Variants in DCDC1 observed in about 807,000 individuals in gnomAD.
The protein encoded by DCDC1 is doublecortin domain containing 1, also known as doublecortin domain-containing protein 1.
A neutral mutation model predicts 178.3 loss-of-function variants in DCDC1; 200 were observed. The ratio of observed to expected loss-of-function variants is 1.12; its 90% confidence interval spans 1.00 to 1.26. The LOEUF (loss-of-function observed/expected upper bound fraction) is 1.26. Ranked by LOEUF, DCDC1 falls within the 50% of genes most tolerant of loss-of-function variation. The pLI, the probability that DCDC1 is intolerant of heterozygous loss-of-function variation, is 0.00. For missense variants in DCDC1, 1,983 were observed against 1,749.2 expected (o/e 1.13, Z -2.38); for synonymous variants, 690 against 604.8 (o/e 1.14, Z -2.07).
chr11:31,057,307 AAGAG>A (rs1232865354), intron 20 of DCDC1, among the ~76,000 whole-genome samples: 4 of 151,704 alleles, frequency 2.6e-5, no homozygotes, highest in Non-Finnish European at 4.4e-5. Context: ...GAAAGAAAGA[AAGAG>A]AGAGAGAAAG....
chr11:31,111,920 T>A (rs1051008178), intron 11 of DCDC1, among the ~76,000 whole-genome samples: 1 of 152,166 alleles, frequency 6.6e-6, no homozygotes, highest in African/African-American at 2.4e-5. Flanking sequence ...AGCAGAGACG[T>A]CTTGGTCAAC....
chr11:30,958,986 A>G (rs1375926087), intron 20 of DCDC1, among the ~76,000 whole-genome samples: 1 of 152,096 alleles, frequency 6.6e-6, no homozygotes, highest in Non-Finnish European at 1.5e-5. Flanking sequence ...ATAGTCTAGT[A>G]TGGGCAAATA....
intron 8 of DCDC1, among the ~76,000 whole-genome samples, chr11:31,257,881 A>G (rs1270295853): frequency 6.6e-6 from 1 of 152,202 alleles, no homozygotes; most frequent in Non-Finnish European, 1.5e-5. Flanking sequence ...AGTGAAACCT[A>G]TTAGAAGAAT....
At chr11:31,075,933 C>T (rs1348310245) in intron 18 of DCDC1, among the ~76,000 whole-genome samples, 1 of 152,190 alleles carries the variant, frequency 6.6e-6, no homozygotes, top group Admixed American at 6.5e-5. Context: ...GATCTTGACT[C>T]ACCACAACCT....
At chr11:31,005,463 T>C (rs1951786804) in intron 20 of DCDC1, among the ~76,000 whole-genome samples, 1 of 152,224 alleles carries the variant, frequency 6.6e-6, no homozygotes, top group Non-Finnish European at 1.5e-5. Flanking sequence ...GATCCAACTT[T>C]AGTGCAGCTC....
intron 20 of DCDC1, among the ~76,000 whole-genome samples, chr11:31,027,328 T>G (rs1953307159): frequency 6.6e-6 from 1 of 151,788 alleles, no homozygotes; most frequent in Non-Finnish European, 1.5e-5. Flanking sequence ...TCATAAAAAT[T>G]CAAGTCTCCA....
At position 31,073,519 on chromosome 11, in the gene DCDC1, T is replaced by C. The variant is rs1418023353; in HGVS notation, c.2298+4346A>G. On this transcript the variant is annotated intron_variant, in intron 18 of 38. Coordinates refer to ENST00000684477, the MANE Select transcript of DCDC1 (RefSeq NM_001387274.1). Reference sequence around the variant, plus strand: ...GTCAACTGTGTTCAGGTATGTTTCATAATTATGTGCAGGCACAAGCCAAAC... The same window carrying C: ...GTCAACTGTGTTCAGGTATGTTTCACAATTATGTGCAGGCACAAGCCAAAC... Among the ~76,000 whole-genome samples, 6 of 152,240 alleles carry C rather than the reference T, an allele frequency of 3.9e-5. No homozygotes were observed. In the East Asian group the frequency reaches 1.2e-3, roughly 29 times the overall value.
At chr11:31,068,760 A>C (rs1010244080) in intron 18 of DCDC1, among the ~76,000 whole-genome samples, 3 of 152,174 alleles carry the variant, frequency 2.0e-5, no homozygotes, top group Non-Finnish European at 2.9e-5. Context: ...ATGCATAATA[A>C]TTTTTGGGAA....
In DCDC1 at chr11:31,127,618, A is replaced by G. The variant is rs981401053; in HGVS notation, c.1336T>C (p.Leu446=). The change falls in exon 11 of 39, where the codon TTG becomes CTG. Residue 446 remains leucine (L), a synonymous_variant. Transcript: ENST00000684477. ...ATGTTACTTTTGATAGCTGTCTGCA[A>G]TTCATCAATCAGCCTGCTCACCTGA... The part of the protein sequence containing the change: ...QEEVSRLIDE[L]QTAIKSNIGH... 9 of 702,470 alleles carry G rather than the reference A, an allele frequency of 1.3e-5. No individual in the cohort carries two copies. The highest frequency in any genetic ancestry group is 4.4e-5 in the South Asian group (3 of 67,556). The allele number at this position is 702,470 out of a possible 1,614,324, so 43.5% of individuals were successfully genotyped here.
intron 9 of DCDC1, among the ~76,000 whole-genome samples, chr11:31,140,944 T>C (rs754180011): frequency 2.6e-5 from 4 of 152,180 alleles, no homozygotes; most frequent in Admixed American, 1.3e-4. Context: ...TTTTAAAACA[T>C]GTAGCCCCTT....
intron 1 of DCDC1, among the ~76,000 whole-genome samples, chr11:31,339,603 T>G (rs529301767): frequency 1.9e-4 from 29 of 152,324 alleles, no homozygotes; most frequent in South Asian, 1.5e-3. Flanking sequence ...GACTAGTCTG[T>G]CCTGTTCACT....
intron 16 of DCDC1, among the ~76,000 whole-genome samples, chr11:31,093,299 C>T (rs940880544): frequency 2.0e-5 from 3 of 152,076 alleles, no homozygotes; most frequent in Non-Finnish European, 2.9e-5. Context: ...ATTTCATTTG[C>T]GAAAATAGTG....
chr11:30,900,333 A>G lies in DCDC1; in HGVS notation c.4663+13T>C. On this transcript the variant is annotated intron_variant, in intron 33 of 38. Transcript: ENST00000684477. The stretch of plus-strand genomic sequence containing the variant: ...TATACTTGCTTGAAAGAAAGCAAAA[A>G]CAAAAAAGTTACCATTTGGAGGTAG... 1 of 1,505,128 alleles carries G rather than the reference A, an allele frequency of 6.6e-7. No individual in the cohort carries two copies. Among genetic ancestry groups the G allele is most frequent in the Non-Finnish European group, 8.9e-7 (1 of 1,127,254 alleles). 93.2% of individuals were successfully genotyped at this position (1,505,128 alleles called of 1,614,324 possible).
intron 1 of DCDC1, among the ~76,000 whole-genome samples, chr11:31,366,954 G>T (rs1219409871): frequency 6.6e-6 from 1 of 152,208 alleles, no homozygotes; most frequent in African/African-American, 2.4e-5. Context: ...TTTGATACTT[G>T]TTGAGAGGTC....
At chr11:31,007,168 A>G (rs1951893499) in intron 20 of DCDC1, among the ~76,000 whole-genome samples, 1 of 152,228 alleles carries the variant, frequency 6.6e-6, no homozygotes, top group Non-Finnish European at 1.5e-5. Flanking sequence ...TACCGTGTGC[A>G]TAGGAAGAAT....
intron 11 of DCDC1, among the ~76,000 whole-genome samples, chr11:31,120,206 C>A (rs1018389297): frequency 1.5e-4 from 23 of 152,116 alleles, no homozygotes; most frequent in African/African-American, 5.3e-4. Context: ...AATTTACTTA[C>A]AATAGAAGAG....
rs554020957 is a variant in DCDC1, at chr11:31,108,007, G to C, written c.1588-1047C>G. On this transcript the variant is annotated intron_variant, in intron 12 of 38. Coordinates refer to ENST00000684477, the MANE Select transcript of DCDC1 (RefSeq NM_001387274.1). ...TTAATCCCCATTGAGGGTATATTGA[G>C]AAGTGCTAAATGCTGAGGCTTAGAG... Among the ~76,000 whole-genome samples the C allele has an allele frequency of 1.5e-4, 23 of 152,274 alleles. No individual in the cohort carries two copies. The South Asian group carries it at 4.1e-3, about 27-fold the overall frequency.
chr11:31,299,568 A>T (rs145198654), intron 6 of DCDC1, among the ~76,000 whole-genome samples: 142 of 152,248 alleles, frequency 9.3e-4, no homozygotes, highest in African/African-American at 3.3e-3. Context: ...AAAGCCTTTA[A>T]CTCACATTCC....
intron 6 of DCDC1, among the ~76,000 whole-genome samples, chr11:31,302,675 A>G (rs1948192148): frequency 6.6e-6 from 1 of 152,136 alleles, no homozygotes; most frequent in South Asian, 2.1e-4. Flanking sequence ...TCCGTATGAA[A>G]GCTTTGTGTT....
Sources: allele counts gnomAD v4.1 joint callset (sites outside exome capture counted in the v4.1 genomes callset), GRCh38; gene constraint gnomAD v4.1.1; transcripts MANE v1.5; gene names NCBI Gene and HGNC (gene_info 2026-07-23, HGNC 2026-07-21).